TBC1D14: variants seen among roughly 807,000 people sequenced by gnomAD.
The protein encoded by TBC1D14 is TBC1 domain family member 14.
Under a neutral mutation model 79.0 loss-of-function variants are expected in TBC1D14, and 26 were observed. The ratio of observed to expected loss-of-function variants is 0.33; its 90% CI spans 0.24 to 0.46. The LOEUF (loss-of-function observed/expected upper bound fraction) is 0.46. TBC1D14 is among the 20% of genes least tolerant of loss of function. The pLI is 1.00. For missense variants in TBC1D14, 769 were observed against 887.6 expected, an observed-to-expected ratio of 0.87 and a Z score of 1.70; for synonymous variants, 394 against 349.9, an observed-to-expected ratio of 1.13 and a Z score of -1.40.
chr4:6,909,502 C>G (rs1365641386), upstream of TBC1D14: 1 of 152,282 alleles, frequency 6.6e-6, no homozygotes, highest in South Asian at 2.1e-4. Flanking sequence ...GTGGAGCCGA[C>G]CAGGTAAGGG....
chr4:6,951,278 C>A (rs1435803607), intron 2 of TBC1D14, among the ~76,000 whole-genome samples: 1 of 151,916 alleles, frequency 6.6e-6, no homozygotes, highest in African/African-American at 2.4e-5. Context: ...GGCGGCAGAG[C>A]AAGACTGCAT....
intron 2 of TBC1D14, among the ~76,000 whole-genome samples, chr4:6,964,530 C>T (rs1715529775): frequency 6.6e-6 from 1 of 152,208 alleles, no homozygotes; most frequent in Non-Finnish European, 1.5e-5. Flanking sequence ...GAAGTTTTAA[C>T]CTGGTTTAAT....
intron 1 of TBC1D14, among the ~76,000 whole-genome samples, chr4:6,912,689 C>T (rs928124370): frequency 4.6e-5 from 7 of 152,186 alleles, no homozygotes; most frequent in Admixed American, 2.0e-4. Flanking sequence ...TGGCCCGATC[C>T]GTGTCCAGGA....
chr4:6,912,329 G>A (rs570211686), intron 1 of TBC1D14, among the ~76,000 whole-genome samples: 221 of 149,986 alleles, frequency 1.5e-3, no homozygotes, highest in Middle Eastern at 0.01. Flanking sequence ...GCAGTGAGCC[G>A]AGATCTCACC....
At chr4:6,950,069 C>T (rs552749980) in intron 2 of TBC1D14, among the ~76,000 whole-genome samples, 1 of 152,196 alleles carries the variant, frequency 6.6e-6, no homozygotes, top group African/African-American at 2.4e-5. Flanking sequence ...CCCGTGCTCC[C>T]CACCTCCAAC....
intron 13 of TBC1D14, among the ~76,000 whole-genome samples, chr4:7,030,013 CCTAGCGTT>C (rs1560375666): frequency 1.3e-5 from 2 of 152,102 alleles, no homozygotes; most frequent in Non-Finnish European, 2.9e-5. Flanking sequence ...TTATTAGCAT[CCTAGCGTT>C]CAGGCCTGGG....
At position 7,005,013 on chromosome 4, in the gene TBC1D14, C is replaced by T. The variant is rs952692056; in HGVS notation, c.1351+89C>T. ...TAGTGAAGAAAGTTGACGTTAACTA[C>T]AGTAGAGATTGTTGTGGAGTCATAA... On this transcript the variant is annotated intron_variant, in intron 8 of 13. Coordinates refer to ENST00000409757, the MANE Select transcript of TBC1D14 (RefSeq NM_020773.3). 9.2e-6 allele frequency: 11 copies of T among 1,195,610 alleles called. No homozygotes were observed. In the African/African-American group the frequency reaches 1.1e-4, roughly 11 times the overall value. The allele number at this position is 1,195,610 out of a possible 1,614,324, so 74.1% of individuals were successfully genotyped here. A position where few individuals can be genotyped will look rare whatever the true frequency, so the allele number is the denominator to read the frequency against.
intron 6 of TBC1D14, among the ~76,000 whole-genome samples, chr4:7,000,882 T>C (rs1174042465): frequency 6.6e-6 from 1 of 152,208 alleles, no homozygotes; most frequent in Non-Finnish European, 1.5e-5. Flanking sequence ...CATTCAGAAC[T>C]TGGCCCCAGA....
At chr4:6,914,497 A>G (rs1424232749) in intron 1 of TBC1D14, among the ~76,000 whole-genome samples, 1 of 152,220 alleles carries the variant, frequency 6.6e-6, no homozygotes, top group African/African-American at 2.4e-5. Context: ...TGTGTGTAGC[A>G]GTGGAAACAG....
intron 3 of TBC1D14, among the ~76,000 whole-genome samples, chr4:6,969,140 G>A (rs1715990683): frequency 6.6e-6 from 1 of 152,142 alleles, no homozygotes; most frequent in African/African-American, 2.4e-5. Context: ...ATCAGTGTTG[G>A]AATTCATTTT....
rs1327804643 is a variant in TBC1D14, at chr4:6,949,015, A to T, written c.723-18289A>T. ...TGGTGAAACCCTGTCTCTAGTAAAAATACAAAAAATTAGCCAGGCGTGGTG... is the reference window on the plus strand; with the variant it reads ...TGGTGAAACCCTGTCTCTAGTAAAATTACAAAAAATTAGCCAGGCGTGGTG... On this transcript the variant is annotated intron_variant, in intron 2 of 13. Coordinates refer to ENST00000409757, the MANE Select transcript of TBC1D14 (RefSeq NM_020773.3). Among the ~76,000 whole-genome samples the T allele has an allele frequency of 2.6e-5, 4 of 151,162 alleles. No homozygotes were observed. In the East Asian group the frequency reaches 8.0e-4, roughly 30 times the overall value.
intron 3 of TBC1D14, among the ~76,000 whole-genome samples, chr4:6,974,685 C>T (rs1471744601): frequency 6.6e-6 from 1 of 152,222 alleles, no homozygotes; most frequent in Non-Finnish European, 1.5e-5. Flanking sequence ...TGGAATCTAA[C>T]TGCATAAATT....
chr4:6,981,582 A>C (rs1191043333), intron 3 of TBC1D14, among the ~76,000 whole-genome samples: 2 of 152,226 alleles, frequency 1.3e-5, no homozygotes, highest in Non-Finnish European at 2.9e-5. Flanking sequence ...TACCAAAAAA[A>C]CTACAGGCAA....
At chr4:6,946,857 G>A (rs1713517572) in intron 2 of TBC1D14, among the ~76,000 whole-genome samples, 1 of 152,010 alleles carries the variant, frequency 6.6e-6, no homozygotes, top group African/African-American at 2.4e-5. Flanking sequence ...TTTCTAATAT[G>A]GAAGGAACAT....
intron 2 of TBC1D14, among the ~76,000 whole-genome samples, chr4:6,931,087 G>A (rs1020680544): frequency 1.3e-5 from 2 of 152,026 alleles, no homozygotes; most frequent in African/African-American, 4.8e-5. Flanking sequence ...TTTGAATAGA[G>A]ACAGGGTTTC....
At chr4:6,954,876 A>C (rs1714481223) in intron 2 of TBC1D14, among the ~76,000 whole-genome samples, 1 of 152,240 alleles carries the variant, frequency 6.6e-6, no homozygotes, top group Non-Finnish European at 1.5e-5. Context: ...AAGTGCTGGG[A>C]TTACAGGCGT....
chr4:6,932,221 G>A (rs578016336), intron 2 of TBC1D14, among the ~76,000 whole-genome samples: 31 of 152,116 alleles, frequency 2.0e-4, no homozygotes, highest in African/African-American at 7.0e-4. Flanking sequence ...TTAGCTGGGT[G>A]TGGTGGCATG....
intron 12 of TBC1D14, among the ~76,000 whole-genome samples, chr4:7,015,334 A>G (rs959147233): frequency 2.6e-5 from 4 of 152,122 alleles, no homozygotes; most frequent in African/African-American, 4.8e-5. Context: ...TATTGTGGGT[A>G]TGTCAGAGAA....
At chr4:6,995,519 T>A (rs1718932273) in intron 4 of TBC1D14, 1 of 91,080 alleles carries the variant, frequency 1.1e-5, no homozygotes, top group African/African-American at 4.7e-5. Flanking sequence ...TTTCCTTTCT[T>A]TTTTTTTTTT....
Sources: gnomAD v4.1 joint callset for allele counts (sites outside exome capture counted in the v4.1 genomes callset) on GRCh38, gnomAD v4.1.1 for gene constraint, MANE v1.5 for transcripts, NCBI Gene and HGNC (gene_info 2026-07-23, HGNC 2026-07-21) for gene names.